CELF4: variants seen among roughly 807,000 people sequenced by gnomAD.
The protein encoded by CELF4 is CUGBP Elav-like family member 4.
In CELF4, 18 loss-of-function variants were observed where a neutral mutation model predicts 59.9. The ratio of observed to expected loss-of-function variants is 0.30; its 90% CI spans 0.21 to 0.45. The LOEUF is 0.45. CELF4 is among the 20% of genes least tolerant of loss of function. CELF4 has a pLI of 1.00. For synonymous variants in CELF4, 261 were observed against 267.1 expected (o/e 0.98, Z 0.22); for missense variants, 456 against 689.0 (o/e 0.66, Z 3.79).
At chr18:37,498,984 T>G (rs1156486422) in intron 1 of CELF4, among the ~76,000 whole-genome samples, 1 of 152,208 alleles carries the variant, frequency 6.6e-6, no homozygotes, top group East Asian at 1.9e-4. Context: ...GTAATAGTTG[T>G]GATGTGATGC....
At position 37,405,869 on chromosome 18, in the gene CELF4, G is replaced by A. The variant is rs543891337; in HGVS notation, c.369+79656C>T. The stretch of plus-strand genomic sequence containing the variant: ...ACTTCAGGCCAGGCATGGGGTGGTG[G>A]TGGGGGGCTGGGCTGGCCCCCCTCC... On this transcript the variant is annotated intron_variant, in intron 2 of 12. Coordinates refer to ENST00000420428, the MANE Select transcript of CELF4 (RefSeq NM_020180.4). 1.8e-3 allele frequency among the ~76,000 whole-genome samples: 268 copies of A among 152,174 alleles called. 1 individual carries two copies. The highest frequency in any genetic ancestry group is 3.1e-3 in the Non-Finnish European group (208 of 67,986).
chr18:37,470,167 T>C (rs116501306), intron 2 of CELF4, among the ~76,000 whole-genome samples: 58 of 152,338 alleles, frequency 3.8e-4, no homozygotes, highest in African/African-American at 1.3e-3. Flanking sequence ...AGGTGTAAAG[T>C]TGGCCTTTGA....
chr18:37,345,508 G>T (rs904667271), intron 2 of CELF4, among the ~76,000 whole-genome samples: 1 of 152,136 alleles, frequency 6.6e-6, no homozygotes, highest in South Asian at 2.1e-4. Context: ...TAGAGACCTC[G>T]GTTGCAGCAA....
intron 2 of CELF4, among the ~76,000 whole-genome samples, chr18:37,340,702 A>G (rs778404617): frequency 1.2e-4 from 18 of 152,198 alleles, no homozygotes; most frequent in Non-Finnish European, 1.5e-4. Flanking sequence ...TCAGATAGTC[A>G]CAACTAAAGA....
At chr18:37,523,083 G>C (rs1171522073) in intron 1 of CELF4, among the ~76,000 whole-genome samples, 1 of 152,288 alleles carries the variant, frequency 6.6e-6, no homozygotes, top group East Asian at 1.9e-4. Context: ...GCATGGCTAT[G>C]CTCCCCCTTT....
intron 3 of CELF4, among the ~76,000 whole-genome samples, chr18:37,284,359 C>T (rs2094523979): frequency 1.3e-5 from 2 of 152,056 alleles, no homozygotes; most frequent in African/African-American, 4.8e-5. Context: ...GATCTAAGCA[C>T]CTCCCCAAGG....
Position 37,447,510 on chromosome 18 carries a change from C to T in CELF4, c.369+38015G>A, listed in dbSNP as rs187659708. ...CCATTGACCCGAACTGGGCCTTCCTCTCCTGCAGCTGGAGGGAGCGACCCG... is the reference window on the plus strand; with the variant it reads ...CCATTGACCCGAACTGGGCCTTCCTTTCCTGCAGCTGGAGGGAGCGACCCG... On this transcript the variant is annotated intron_variant, in intron 2 of 12. Coordinates refer to ENST00000420428, the MANE Select transcript of CELF4 (RefSeq NM_020180.4). Among the ~76,000 whole-genome samples, 3 of 152,356 alleles carry T rather than the reference C, an allele frequency of 2.0e-5. No individual in the cohort carries two copies. The East Asian group carries it at 5.8e-4, about 29-fold the overall frequency.
intron 2 of CELF4, among the ~76,000 whole-genome samples, chr18:37,387,408 C>T (rs375438907): frequency 2.6e-4 from 40 of 152,340 alleles, no homozygotes; most frequent in African/African-American, 7.9e-4. Context: ...CAGAACCACA[C>T]GCAGCCAACT....
In CELF4 at chr18:37,500,643, C is replaced by T. The variant is rs191618116; in HGVS notation, c.287-15036G>A. ...CCGCCTCCTGGGTTCATGCCATTCT[C>T]CTGCCTCAGCCTCCCGAGTAGTTGG... is the stretch of plus-strand genomic sequence containing the variant. On this transcript the variant is annotated intron_variant, in intron 1 of 12. Transcript: ENST00000420428. Among the ~76,000 whole-genome samples, 1,243 of 151,746 alleles carry T rather than the reference C, an allele frequency of 8.2e-3. 18 individuals carry two copies. The highest frequency in any genetic ancestry group is 9.4e-3 in the Non-Finnish European group (641 of 67,954).
At chr18:37,379,370 T>C (rs1261431294) in intron 2 of CELF4, among the ~76,000 whole-genome samples, 3 of 152,088 alleles carry the variant, frequency 2.0e-5, no homozygotes, top group Non-Finnish European at 4.4e-5. Flanking sequence ...TTTTCTCTCT[T>C]ACCTCATTAA....
rs565709901 is a variant in CELF4, at chr18:37,468,078, G to A, written c.369+17447C>T. Among the ~76,000 whole-genome samples the A allele has an allele frequency of 2.6e-5, 4 of 152,344 alleles. No individual in the cohort carries two copies. In the South Asian group the frequency reaches 6.2e-4, roughly 24 times the overall value. Reference sequence around the variant, plus strand: ...GTGTGCATATTCTACATGGGCCTTTGCAAGTACAATTTTATCCAGGATCGT... The same window carrying A: ...GTGTGCATATTCTACATGGGCCTTTACAAGTACAATTTTATCCAGGATCGT... On this transcript the variant is annotated intron_variant, in intron 2 of 12. Transcript: ENST00000420428.
intron 1 of CELF4, among the ~76,000 whole-genome samples, chr18:37,489,259 T>A (rs1260511006): frequency 6.6e-6 from 1 of 152,244 alleles, no homozygotes; most frequent in African/African-American, 2.4e-5. Context: ...GATAAGCAGT[T>A]ATTAACGCTG....
intron 2 of CELF4, among the ~76,000 whole-genome samples, chr18:37,371,168 C>T (rs565834989): frequency 6.6e-6 from 1 of 152,322 alleles, no homozygotes; most frequent in Non-Finnish European, 1.5e-5. Context: ...GCTAAGATCT[C>T]GTTGCACTGT....
rs552746489 is a variant in CELF4 at position 37,307,554 on chromosome 18, C to T, written c.448+14249G>A. Among the ~76,000 whole-genome samples the T allele has an allele frequency of 5.9e-5, 9 of 152,096 alleles. No homozygotes were observed. In the South Asian group the frequency reaches 1.9e-3, roughly 31 times the overall value. On this transcript the variant is annotated intron_variant, in intron 3 of 12. Coordinates refer to ENST00000420428, the MANE Select transcript of CELF4 (RefSeq NM_020180.4). ...ATTAAGATGTGCCACAAGGAGAATG[C>T]CAATGTCAGTGGCATCGGCCCCACT...
chr18:37,531,675 GAGA>G (rs1007872967), intron 1 of CELF4, among the ~76,000 whole-genome samples: 2 of 152,216 alleles, frequency 1.3e-5, no homozygotes, highest in African/African-American at 4.8e-5. Context: ...CTTTGGAGGT[GAGA>G]AGTTTGGGAA....
intron 2 of CELF4, among the ~76,000 whole-genome samples, chr18:37,470,834 C>CTGTG: frequency 1.2e-5 from 1 of 86,784 alleles, no homozygotes; most frequent in South Asian, 4.6e-4. Context: ...CTCTTCATGA[C>CTGTG]TCTGTGTGTG....
intron 2 of CELF4, among the ~76,000 whole-genome samples, chr18:37,421,553 TGC>T (rs202161096): frequency 2.4e-5 from 2 of 84,998 alleles, no homozygotes; most frequent in Admixed American, 1.3e-4. Context: ...GATTGTGTCA[TGC>T]GTGTGAGTCA....
At chr18:37,467,637 G>A (rs2099812229) in intron 2 of CELF4, among the ~76,000 whole-genome samples, 1 of 152,186 alleles carries the variant, frequency 6.6e-6, no homozygotes, top group Admixed American at 6.5e-5. Flanking sequence ...AGGAGTCCCA[G>A]CCTTCAGAAT....
intron 2 of CELF4, among the ~76,000 whole-genome samples, chr18:37,444,754 C>T (rs973177183): frequency 2.0e-5 from 3 of 152,096 alleles, no homozygotes; most frequent in South Asian, 2.1e-4. Context: ...TCCATGGCCC[C>T]GACAGGCTCA....
Sources: gnomAD v4.1 joint callset for allele counts (sites outside exome capture counted in the v4.1 genomes callset) on GRCh38, gnomAD v4.1.1 for gene constraint, MANE v1.5 for transcripts, NCBI Gene and HGNC (gene_info 2026-07-23, HGNC 2026-07-21) for gene names.